Variants in CBFB observed in about 807,000 individuals in gnomAD.
The protein encoded by CBFB is CBF-beta.
CBFB carries 9 observed loss-of-function variants against 30.4 expected under a neutral mutation model. The ratio of observed to expected loss-of-function variants is 0.30; its 90% CI spans 0.18 to 0.52. The LOEUF is 0.52. Ranked by LOEUF, CBFB falls within the 20% of genes least tolerant of loss-of-function variation. The pLI is 0.97. For missense variants in CBFB, 170 were observed against 244.0 expected (o/e 0.70, Z 2.02); for synonymous variants, 94 against 84.0 (o/e 1.12, Z -0.65).
intron 4 of CBFB, among the ~76,000 whole-genome samples, chr16:67,080,212 C>CTT (rs1456142815): frequency 6.7e-6 from 1 of 148,824 alleles, no homozygotes; most frequent in African/African-American, 2.4e-5. Context: ...TCAGATTGTG[C>CTT]TTTAAAGGCA....
intron 2 of CBFB, among the ~76,000 whole-genome samples, chr16:67,031,257 T>C (rs1301838615): frequency 6.6e-6 from 1 of 152,094 alleles, no homozygotes; most frequent in Non-Finnish European, 1.5e-5. Context: ...TGAAAGAGAG[T>C]CTCAAGCTTT....
intron 3 of CBFB, among the ~76,000 whole-genome samples, chr16:67,045,906 C>T (rs1202081889): frequency 6.6e-6 from 1 of 151,546 alleles, no homozygotes; most frequent in Non-Finnish European, 1.5e-5. Context: ...AGCGATTCTC[C>T]TGCCTCAGCC....
At chr16:67,038,158 C>T (rs1281442086) in intron 3 of CBFB, among the ~76,000 whole-genome samples, 3 of 151,862 alleles carry the variant, frequency 2.0e-5, no homozygotes, top group South Asian at 2.1e-4. Flanking sequence ...TTTTTGTACC[C>T]GTTTCTATCA....
chr16:67,081,198 A>G (rs145012691), intron 4 of CBFB, among the ~76,000 whole-genome samples: 293 of 138,238 alleles, frequency 2.1e-3, no homozygotes, highest in African/African-American at 7.8e-3. Flanking sequence ...TCATTGTTCA[A>G]TTCCCACCTA....
intron 5 of CBFB, among the ~76,000 whole-genome samples, chr16:67,097,625 G>C (rs1430234539): frequency 1.3e-5 from 2 of 151,238 alleles, no homozygotes; most frequent in South Asian, 2.1e-4. Context: ...TAACATATGA[G>C]ACAATACTTT....
intron 5 of CBFB, among the ~76,000 whole-genome samples, chr16:67,097,849 G>C (rs1962098891): frequency 1.3e-5 from 2 of 152,270 alleles, no homozygotes; most frequent in South Asian, 4.1e-4. Context: ...GATTGGTTTA[G>C]TCCAGGAATT....
chr16:67,058,120 T>C (rs1317014728), intron 3 of CBFB, among the ~76,000 whole-genome samples: 2 of 150,512 alleles, frequency 1.3e-5, no homozygotes, highest in East Asian at 1.9e-4. Context: ...ACACTAGTTA[T>C]TCAAATCGGT....
intron 3 of CBFB, among the ~76,000 whole-genome samples, chr16:67,058,963 G>T (rs1481891710): frequency 6.6e-6 from 1 of 152,168 alleles, no homozygotes; most frequent in African/African-American, 2.4e-5. Flanking sequence ...GTACTGATGT[G>T]CATGGGGGTC....
At chr16:67,060,222 T>A (rs1409834497) in intron 3 of CBFB, among the ~76,000 whole-genome samples, 1 of 152,020 alleles carries the variant, frequency 6.6e-6, no homozygotes, top group Non-Finnish European at 1.5e-5. Context: ...CAAGCAGTCC[T>A]CCCAAAGTAT....
chr16:67,075,329 C>A (rs1271306674), intron 4 of CBFB, among the ~76,000 whole-genome samples: 1 of 151,810 alleles, frequency 6.6e-6, no homozygotes, highest in Non-Finnish European at 1.5e-5. Context: ...ACAGGCAGTT[C>A]ACAAACAGGC....
intron 3 of CBFB, among the ~76,000 whole-genome samples, chr16:67,055,983 C>G (rs1960712119): frequency 6.6e-6 from 1 of 152,154 alleles, no homozygotes; most frequent in Admixed American, 6.6e-5. Context: ...ATCTTGTTTT[C>G]TTGGGTGCCT....
At chr16:67,093,703 G>A (rs1597163945) in intron 5 of CBFB, 1 of 152,138 alleles carries the variant, frequency 6.6e-6, no homozygotes, top group African/African-American at 2.4e-5. Context: ...TCAGACTCAT[G>A]GATGTGTGCT....
chr16:67,091,104 A>G (rs1186357173), intron 5 of CBFB, among the ~76,000 whole-genome samples: 2 of 152,228 alleles, frequency 1.3e-5, no homozygotes, highest in African/African-American at 4.8e-5. Context: ...AACTGGGAGT[A>G]TGAACTCAGA....
chr16:67,100,286 T>A lies in CBFB; in HGVS notation c.*1508T>A, dbSNP rs1962181899. ...AAGGTCATTGCATTTAAAAAGCATA[T>A]AACTGTACTTGACTGATGAGGGAGG... On this transcript the variant is annotated 3_prime_UTR_variant, in exon 6 of 6. Coordinates refer to ENST00000412916, the MANE Select transcript of CBFB (RefSeq NM_022845.3). 1 of 221,484 alleles carries A rather than the reference T, an allele frequency of 4.5e-6. No individual in the cohort carries two copies. The allele number at this position is 221,484 out of a possible 1,614,324, so 13.7% of individuals were successfully genotyped here.
At chr16:67,095,945 G>A (rs1270853682) in intron 5 of CBFB, among the ~76,000 whole-genome samples, 1 of 151,692 alleles carries the variant, frequency 6.6e-6, no homozygotes, top group East Asian at 2.0e-4. Flanking sequence ...GCCCACCTTG[G>A]CCTCCCAAAG....
At chr16:67,088,590 C>T (rs533983818) in intron 5 of CBFB, among the ~76,000 whole-genome samples, 5 of 152,226 alleles carry the variant, frequency 3.3e-5, no homozygotes, top group Non-Finnish European at 5.9e-5. Context: ...TAAAATCTGC[C>T]AGGAGAGATT....
chr16:67,041,232 C>G (rs1966525070), intron 3 of CBFB, among the ~76,000 whole-genome samples: 1 of 152,158 alleles, frequency 6.6e-6, no homozygotes, highest in South Asian at 2.1e-4. Context: ...GCTCCTGCAC[C>G]TAGCTCAGGC....
intron 4 of CBFB, among the ~76,000 whole-genome samples, chr16:67,067,475 G>A (rs980135644): frequency 2.0e-5 from 3 of 152,268 alleles, no homozygotes; most frequent in African/African-American, 4.8e-5. Context: ...CCGAGATTGC[G>A]CTACTGCACT....
At chr16:67,078,937 G>A (rs1401921660) in intron 4 of CBFB, among the ~76,000 whole-genome samples, 1 of 152,182 alleles carries the variant, frequency 6.6e-6, no homozygotes, top group Non-Finnish European at 1.5e-5. Flanking sequence ...TGAGCTTATA[G>A]GTGTGAGCCA....
Sources: allele counts gnomAD v4.1 joint callset (sites outside exome capture counted in the v4.1 genomes callset), GRCh38; gene constraint gnomAD v4.1.1; transcripts MANE v1.5; gene names NCBI Gene and HGNC (gene_info 2026-07-23, HGNC 2026-07-21).